Variants in ANK3 observed in about 807,000 individuals in gnomAD.
ANK3 encodes ankyrin 3.
ANK3 carries 57 observed loss-of-function variants against 370.9 expected under a neutral mutation model. The ratio of observed to expected loss-of-function variants is 0.15; its 90% confidence interval spans 0.12 to 0.19. The LOEUF (loss-of-function observed/expected upper bound fraction) is 0.19. Among genes scored for constraint, ANK3 ranks in the 10% least tolerant of loss-of-function variants. The pLI, the probability that ANK3 is intolerant of heterozygous loss-of-function variation, is 1.00. For synonymous variants in ANK3, 1,929 were observed against 1,946.3 expected, an observed-to-expected ratio of 0.99 and a Z score of 0.23; for missense variants, 4,439 against 5,302.1, an observed-to-expected ratio of 0.84 and a Z score of 5.06.
chr10:60,299,158 G>A (rs1026905536), intron 1 of ANK3, among the ~76,000 whole-genome samples: 1 of 152,056 alleles, frequency 6.6e-6, no homozygotes, highest in African/African-American at 2.4e-5. Context: ...GAGACACACA[G>A]AATGTTTATA....
chr10:60,532,600 G>A lies in ANK3; in HGVS notation c.96+82586C>T, dbSNP rs75329717. The stretch of plus-strand genomic sequence containing the variant: ...CAGCCCTTGTTAAAACACAGATTGC[G>A]CTCTCCCAACTGCAGGGTTCTCATG... On this transcript the variant is annotated intron_variant, in intron 2 of 43. Coordinates refer to the ANK3 transcript ENST00000373827. Among the ~76,000 whole-genome samples the A allele has an allele frequency of 1.3e-3, 202 of 152,018 alleles. 2 individuals carry two copies. Among genetic ancestry groups the A allele is most frequent in the Middle Eastern group, 6.8e-3 (2 of 294 alleles).
chr10:60,301,454 C>A (rs2043800021), intron 1 of ANK3, among the ~76,000 whole-genome samples: 1 of 148,534 alleles, frequency 6.7e-6, no homozygotes, highest in Non-Finnish European at 1.5e-5. Context: ...CACTCTGTCA[C>A]CCAGGCTGGA....
At chr10:60,526,272 A>T (rs539745437) in intron 2 of ANK3, among the ~76,000 whole-genome samples, 30 of 152,254 alleles carry the variant, frequency 2.0e-4, no homozygotes, top group Non-Finnish European at 4.0e-4. Context: ...TATTTGATAG[A>T]TTGTTCTCTG....
At chr10:60,182,077 G>T (rs1342083853) in intron 17 of ANK3, among the ~76,000 whole-genome samples, 4 of 148,724 alleles carry the variant, frequency 2.7e-5, no homozygotes, top group Non-Finnish European at 5.9e-5. Context: ...ACAAAAATTA[G>T]ACTTTTTTTT....
chr10:60,418,703 ATACT>A (rs1405138971), intron 2 of ANK3, among the ~76,000 whole-genome samples: 5 of 151,870 alleles, frequency 3.3e-5, no homozygotes, highest in Non-Finnish European at 2.9e-5. Flanking sequence ...TGCATGGGAC[ATACT>A]TACGCTAGAA....
intron 16 of ANK3, among the ~76,000 whole-genome samples, chr10:60,194,204 C>A (rs904141390): frequency 5.3e-5 from 8 of 152,132 alleles, no homozygotes; most frequent in Non-Finnish European, 1.2e-4. Context: ...AAATGTACAA[C>A]CATTAAATTC....
chr10:60,104,771 A>C (rs1234959795), intron 28 of ANK3, among the ~76,000 whole-genome samples: 1 of 152,218 alleles, frequency 6.6e-6, no homozygotes, highest in African/African-American at 2.4e-5. Flanking sequence ...TACAGAACAA[A>C]TATAATGGTG....
At chr10:60,235,006 T>C (rs984358256) in intron 7 of ANK3, among the ~76,000 whole-genome samples, 2 of 152,218 alleles carry the variant, frequency 1.3e-5, no homozygotes, top group African/African-American at 4.8e-5. Context: ...TCCAAGTTAA[T>C]TTATTTCAAT....
intron 2 of ANK3, among the ~76,000 whole-genome samples, chr10:60,435,802 T>C (rs2132989284): frequency 6.6e-6 from 1 of 152,340 alleles, no homozygotes; most frequent in East Asian, 1.9e-4. Context: ...ATTTGTCATG[T>C]TTTTAAAGTC....
intron 1 of ANK3, among the ~76,000 whole-genome samples, chr10:60,705,081 T>A (rs1228270593): frequency 6.6e-6 from 1 of 152,202 alleles, no homozygotes; most frequent in Non-Finnish European, 1.5e-5. Context: ...GCTATGAATA[T>A]CATTATTTGA....
chr10:60,134,174 A>G, intron 25 of ANK3, 97 bp downstream of exon 25: 2 of 983,662 alleles, frequency 2.0e-6, no homozygotes, highest in African/African-American at 1.7e-5. Context: ...AAAATCAAAC[A>G]TGCAGAAATA....
At chr10:60,577,248 T>A (rs2077694902) in intron 2 of ANK3, among the ~76,000 whole-genome samples, 1 of 152,150 alleles carries the variant, frequency 6.6e-6, no homozygotes. Context: ...CCACCAGTAC[T>A]CTTTCATTCT....
intron 38 of ANK3, among the ~76,000 whole-genome samples, chr10:60,065,231 G>C (rs1423833524): frequency 1.3e-5 from 2 of 152,194 alleles, no homozygotes; most frequent in Non-Finnish European, 2.9e-5. Context: ...GTAAATTGCA[G>C]AGTGTCTTTG....
At chr10:60,298,828 CA>C (rs1438128281) in intron 1 of ANK3, among the ~76,000 whole-genome samples, 1 of 152,160 alleles carries the variant, frequency 6.6e-6, no homozygotes. Flanking sequence ...AGACTCGTTA[CA>C]GCAAGCCTTA....
chr10:60,255,622 G>A (rs2097722965), intron 7 of ANK3, among the ~76,000 whole-genome samples: 1 of 152,026 alleles, frequency 6.6e-6, no homozygotes. Context: ...CTTCCTTGAG[G>A]GAAATGTTGC....
At chr10:60,662,948 A>T (rs1038195556) in intron 1 of ANK3, among the ~76,000 whole-genome samples, 1 of 152,210 alleles carries the variant, frequency 6.6e-6, no homozygotes, top group African/African-American at 2.4e-5. Flanking sequence ...AGACTTCAGG[A>T]GCTATACAAA....
intron 23 of ANK3, among the ~76,000 whole-genome samples, chr10:60,156,007 A>G (rs1322747005): frequency 6.6e-6 from 1 of 152,070 alleles, no homozygotes; most frequent in Non-Finnish European, 1.5e-5. Context: ...TTACCTTGTG[A>G]TTGTGTGAAT....
In ANK3 at chr10:60,656,033, C is replaced by T. The variant is rs1201568482; in HGVS notation, c.58-40809G>A. On this transcript the variant is annotated intron_variant, in intron 1 of 43. Coordinates refer to the ANK3 transcript ENST00000373827. ...CTGTGTAAGTACACTTTATGATACT[C>T]GCACAATGACAAAATCACCTGATGA... Among the ~76,000 whole-genome samples the T allele has an allele frequency of 5.9e-5, 9 of 152,120 alleles. No individual in the cohort carries two copies. In the South Asian group the frequency reaches 8.3e-4, roughly 14 times the overall value.
intron 16 of ANK3, among the ~76,000 whole-genome samples, chr10:60,189,322 G>A (rs763256089): frequency 2.0e-5 from 3 of 152,190 alleles, no homozygotes; most frequent in Non-Finnish European, 4.4e-5. Flanking sequence ...GGGAGAGCCT[G>A]TCTTTAAAAC....
Sources: allele counts gnomAD v4.1 joint callset (sites outside exome capture counted in the v4.1 genomes callset), GRCh38; gene constraint gnomAD v4.1.1; transcripts MANE v1.5; gene names NCBI Gene and HGNC (gene_info 2026-07-23, HGNC 2026-07-21).